Variants in ARHGEF26 observed in about 807,000 individuals in gnomAD.
ARHGEF26 encodes the protein Rho guanine nucleotide exchange factor (GEF) 26.
In ARHGEF26, 59 loss-of-function variants were observed where a neutral mutation model predicts 89.4. The observed-to-expected ratio is 0.66, with a 90% CI of 0.54 to 0.82. The LOEUF is 0.82. Among genes scored for constraint, ARHGEF26 ranks in the 40% least tolerant of loss-of-function variants. The pLI is 0.00. For synonymous variants in ARHGEF26, 500 were observed against 428.4 expected, an observed-to-expected ratio of 1.17 and a Z score of -2.06; for missense variants, 1,234 against 1,085.6, an observed-to-expected ratio of 1.14 and a Z score of -1.92.
chr3:154,177,256 C>G (rs542025852), intron 6 of ARHGEF26, among the ~76,000 whole-genome samples: 2 of 152,210 alleles, frequency 1.3e-5, no homozygotes, highest in South Asian at 4.2e-4. Flanking sequence ...TGGTCAAATG[C>G]CAGGTAAGAT....
At chr3:154,208,586 T>G (rs1347996473) in intron 9 of ARHGEF26, among the ~76,000 whole-genome samples, 2 of 152,060 alleles carry the variant, frequency 1.3e-5, no homozygotes, top group African/African-American at 4.8e-5. Context: ...GATTTTCCCT[T>G]TTGAGGCTGT....
chr3:154,140,840 C>T (rs908133594), intron 4 of ARHGEF26, among the ~76,000 whole-genome samples: 29 of 152,142 alleles, frequency 1.9e-4, no homozygotes, highest in South Asian at 2.1e-4. Flanking sequence ...CTCGGCTTCC[C>T]AAAATGCTGG....
chr3:154,223,037 A>G (rs903295190), intron 10 of ARHGEF26, among the ~76,000 whole-genome samples: 5 of 152,220 alleles, frequency 3.3e-5, no homozygotes, highest in Non-Finnish European at 7.3e-5. Context: ...ACTAGAAAAC[A>G]GCTTTCTTTA....
rs754666151 is a variant in ARHGEF26 at position 154,253,066 on chromosome 3, CTG to C, written c.2301-46_2301-45del. 3.7e-6 allele frequency: 6 copies of C among 1,600,190 alleles called. No individual in the cohort carries two copies. The South Asian group carries it at 4.4e-5, about 12-fold the overall frequency. ...TTGGCTGCCTAGAAAACACTCCATT[CTG>C]TGTTTTTACACCTTGAGTCTCTCAG... On this transcript the variant is annotated intron_variant, in intron 12 of 14. Coordinates refer to ENST00000465093, the MANE Select transcript of ARHGEF26 (RefSeq NM_015595.4).
At chr3:154,144,379 A>G (rs564091190) in intron 4 of ARHGEF26, among the ~76,000 whole-genome samples, 1 of 152,320 alleles carries the variant, frequency 6.6e-6, no homozygotes, top group African/African-American at 2.4e-5. Context: ...GTTTAGATGC[A>G]TGGAAGGAAC....
At chr3:154,162,250 A>T (rs934868452) in intron 6 of ARHGEF26, among the ~76,000 whole-genome samples, 1 of 152,180 alleles carries the variant, frequency 6.6e-6, no homozygotes, top group African/African-American at 2.4e-5. Context: ...CTGATGGAAA[A>T]GATTTTAATT....
rs528597321 is a variant in ARHGEF26, at chr3:154,226,722, G to A, written c.2090+712G>A. 3.3e-5 allele frequency among the ~76,000 whole-genome samples: 5 copies of A among 149,758 alleles called. No individual in the cohort carries two copies. In the East Asian group the frequency reaches 7.9e-4, roughly 24 times the overall value. On this transcript the variant is annotated intron_variant, in intron 11 of 14. Coordinates refer to ENST00000465093, the MANE Select transcript of ARHGEF26 (RefSeq NM_015595.4). ...CCCTTCAGCTCTGCCTTTCTCTAGGGAACATACTTTATTAAATGCACCCAA... is the reference window on the plus strand; with the variant it reads ...CCCTTCAGCTCTGCCTTTCTCTAGGAAACATACTTTATTAAATGCACCCAA...
At chr3:154,241,001 A>G (rs1022137491) in intron 12 of ARHGEF26, among the ~76,000 whole-genome samples, 4 of 152,232 alleles carry the variant, frequency 2.6e-5, no homozygotes, top group African/African-American at 9.6e-5. Flanking sequence ...ACCAGAGAGC[A>G]GAAAGCCCAA....
chr3:154,254,599 C>A, intron 13 of ARHGEF26, 121 bp from the exon 14 acceptor site: 1 of 714,154 alleles, frequency 1.4e-6, no homozygotes. Flanking sequence ...ATTAGAAGCC[C>A]AACTTGTTTC....
chr3:154,241,968 G>A (rs1481763792), intron 12 of ARHGEF26, among the ~76,000 whole-genome samples: 1 of 152,184 alleles, frequency 6.6e-6, no homozygotes, highest in Non-Finnish European at 1.5e-5. Flanking sequence ...AGAAGGTACA[G>A]AAATCTAACT....
intron 11 of ARHGEF26, among the ~76,000 whole-genome samples, chr3:154,237,764 T>G (rs1237152850): frequency 6.6e-6 from 1 of 152,190 alleles, no homozygotes; most frequent in East Asian, 1.9e-4. Context: ...CTACAACGCC[T>G]ACACACATGT....
intron 9 of ARHGEF26, among the ~76,000 whole-genome samples, chr3:154,217,423 T>A (rs1275711899): frequency 6.6e-6 from 1 of 152,130 alleles, no homozygotes; most frequent in Non-Finnish European, 1.5e-5. Context: ...TCATTGTAGA[T>A]TCTGGATATT....
At chr3:154,227,993 T>G (rs2108264301) in intron 11 of ARHGEF26, among the ~76,000 whole-genome samples, 1 of 152,342 alleles carries the variant, frequency 6.6e-6, no homozygotes, top group Admixed American at 6.5e-5. Flanking sequence ...AAAGTCAGAA[T>G]TAAGGTATAT....
At chr3:154,197,628 T>C (rs454837) in intron 9 of ARHGEF26, among the ~76,000 whole-genome samples, 138,870 of 152,210 alleles carry the variant, frequency 0.91, 63,601 homozygotes, top group East Asian at 1. Context: ...AATAATACTT[T>C]GCTGAAATTG....
At chr3:154,173,851 A>G (rs890593466) in intron 6 of ARHGEF26, among the ~76,000 whole-genome samples, 2 of 152,202 alleles carry the variant, frequency 1.3e-5, no homozygotes, top group Admixed American at 6.5e-5. Context: ...TTGTTTCTAA[A>G]TAAAACATAA....
intron 5 of ARHGEF26, among the ~76,000 whole-genome samples, chr3:154,150,776 T>A (rs1380756484): frequency 6.6e-6 from 1 of 152,162 alleles, no homozygotes; most frequent in Non-Finnish European, 1.5e-5. Flanking sequence ...TTTTAAACCT[T>A]ATATAACCTT....
chr3:154,185,302 A>T (rs962774316), intron 6 of ARHGEF26, among the ~76,000 whole-genome samples: 1 of 152,140 alleles, frequency 6.6e-6, no homozygotes, highest in Non-Finnish European at 1.5e-5. Context: ...GTTTCAGCCC[A>T]CAATACTGCC....
chr3:154,242,853 G>C (rs1429805449), intron 12 of ARHGEF26, among the ~76,000 whole-genome samples: 1 of 152,016 alleles, frequency 6.6e-6, no homozygotes, highest in East Asian at 1.9e-4. Flanking sequence ...TCATGTGTTT[G>C]TTTACAAAAC....
At chr3:154,137,289 G>C (rs1001833163) in intron 4 of ARHGEF26, among the ~76,000 whole-genome samples, 2 of 152,152 alleles carry the variant, frequency 1.3e-5, no homozygotes, top group Admixed American at 1.3e-4. Context: ...GAGCTAGCTC[G>C]TTAGCATGCT....
Sources: gnomAD v4.1 joint callset for allele counts (sites outside exome capture counted in the v4.1 genomes callset) on GRCh38, gnomAD v4.1.1 for gene constraint, MANE v1.5 for transcripts, NCBI Gene and HGNC (gene_info 2026-07-23, HGNC 2026-07-21) for gene names.